Variants in FHIT observed in about 807,000 individuals in gnomAD.
FHIT encodes the protein bis(5'-adenosyl)-triphosphatase.
FHIT carries 19 observed loss-of-function variants against 17.9 expected under a neutral mutation model. The observed-to-expected ratio is 1.06, with a 90% CI of 0.74 to 1.56. The LOEUF (loss-of-function observed/expected upper bound fraction) is 1.56, where lower values mean the gene tolerates loss of function less well. Ranked by LOEUF, FHIT falls within the 40% of genes most tolerant of loss-of-function variation. FHIT has a pLI of 0.00. For missense variants in FHIT, 248 were observed against 189.2 expected, an observed-to-expected ratio of 1.31 and a Z score of -1.82; for synonymous variants, 81 against 69.7, an observed-to-expected ratio of 1.16 and a Z score of -0.81.
intron 7 of FHIT, among the ~76,000 whole-genome samples, chr3:59,946,993 C>T (rs963448647): frequency 1.5e-4 from 23 of 152,070 alleles, no homozygotes; most frequent in Non-Finnish European, 5.9e-5. Context: ...TGTGTCTCTG[C>T]CAGATTTTGG....
intron 3 of FHIT, among the ~76,000 whole-genome samples, chr3:60,885,147 A>G (rs1553759001): frequency 6.6e-6 from 1 of 152,126 alleles, no homozygotes; most frequent in Non-Finnish European, 1.5e-5. Flanking sequence ...CAGGGTGATT[A>G]TAGTTAACAA....
intron 5 of FHIT, among the ~76,000 whole-genome samples, chr3:60,199,165 A>G (rs968577803): frequency 6.6e-6 from 1 of 152,126 alleles, no homozygotes; most frequent in African/African-American, 2.4e-5. Context: ...CCTTGGGACA[A>G]AAGTTGGTCT....
intron 7 of FHIT, among the ~76,000 whole-genome samples, chr3:59,968,060 G>A (rs181319498): frequency 1.3e-5 from 2 of 152,192 alleles, no homozygotes; most frequent in East Asian, 3.9e-4. Context: ...AAAAGACCAG[G>A]GGTAGGTAGT....
In FHIT at chr3:59,752,294, G is replaced by A; in HGVS notation, c.376C>T (p.Pro126Ser). 1 of 1,612,800 alleles carries A rather than the reference G, an allele frequency of 6.2e-7. No individual in the cohort carries two copies. The highest frequency in any genetic ancestry group is 8.5e-7 in the Non-Finnish European group (1 of 1,179,504). Residue 126 changes from proline (P) to serine (S), a missense_variant, in exon 9 of 10, where the codon CCT becomes TCT. Coordinates refer to ENST00000492590, the MANE Select transcript of FHIT (RefSeq NM_002012.4). The part of the protein sequence containing the change: ...ELQKHDKEDF[P>S]ASWRSEEEMA... Reference sequence around the variant, plus strand: ...TCCTCCTCTGATCTCCAAGAGGCAGGAAAGTCCTCCTTGTCATGTTTCTGG... The same window carrying A: ...TCCTCCTCTGATCTCCAAGAGGCAGAAAAGTCCTCCTTGTCATGTTTCTGG...
chr3:60,119,126 T>G (rs1457003188), intron 5 of FHIT, among the ~76,000 whole-genome samples: 1 of 151,906 alleles, frequency 6.6e-6, no homozygotes. Flanking sequence ...CAGGCTGGAG[T>G]GCAATGGCAC....
At chr3:60,925,353 G>A (rs1707533288) in intron 3 of FHIT, among the ~76,000 whole-genome samples, 1 of 152,200 alleles carries the variant, frequency 6.6e-6, no homozygotes, top group African/African-American at 2.4e-5. Flanking sequence ...CAGACTAACA[G>A]CAGATCTCTC....
chr3:60,397,470 T>C (rs1262706672), intron 5 of FHIT, among the ~76,000 whole-genome samples: 5 of 152,122 alleles, frequency 3.3e-5, no homozygotes, highest in Non-Finnish European at 7.4e-5. Flanking sequence ...AAGTCTCACA[T>C]GTAAAAGGAA....
intron 2 of FHIT, among the ~76,000 whole-genome samples, chr3:61,119,158 G>C (rs2036383682): frequency 6.6e-6 from 1 of 152,148 alleles, no homozygotes; most frequent in Non-Finnish European, 1.5e-5. Context: ...TTCCCTCACA[G>C]TGGGCTCTCC....
chr3:60,882,481 A>T (rs576981765), intron 3 of FHIT, among the ~76,000 whole-genome samples: 14 of 152,194 alleles, frequency 9.2e-5, no homozygotes, highest in Non-Finnish European at 1.9e-4. Context: ...AAATACTAGC[A>T]AGTTGAATCC....
At chr3:60,517,671 G>T (rs1336792554) in intron 5 of FHIT, among the ~76,000 whole-genome samples, 1 of 152,216 alleles carries the variant, frequency 6.6e-6, no homozygotes, top group East Asian at 1.9e-4. Flanking sequence ...ATGTAAAACA[G>T]CACCATAACG....
At chr3:59,911,487 C>T (rs1704873539) in intron 8 of FHIT, among the ~76,000 whole-genome samples, 1 of 152,172 alleles carries the variant, frequency 6.6e-6, no homozygotes, top group African/African-American at 2.4e-5. Flanking sequence ...ATTTATCAAG[C>T]TAATTTTCAG....
At chr3:60,530,514 C>T (rs1008050314) in intron 5 of FHIT, among the ~76,000 whole-genome samples, 3 of 152,120 alleles carry the variant, frequency 2.0e-5, no homozygotes, top group African/African-American at 7.2e-5. Context: ...ATGTCAGTCT[C>T]GGCTCCAGAA....
At chr3:60,284,131 A>G (rs1000729716) in intron 5 of FHIT, among the ~76,000 whole-genome samples, 2 of 152,166 alleles carry the variant, frequency 1.3e-5, no homozygotes, top group Admixed American at 1.3e-4. Flanking sequence ...AGTATATATT[A>G]CACTATTTGT....
At chr3:60,653,519 G>A (rs1421781695) in intron 4 of FHIT, among the ~76,000 whole-genome samples, 1 of 12,956 alleles carries the variant, frequency 7.7e-5, no homozygotes, top group African/African-American at 1.3e-4. Context: ...AAACTGGAGT[G>A]GAGGGAATTA....
intron 5 of FHIT, among the ~76,000 whole-genome samples, chr3:60,125,289 G>A (rs1332359333): frequency 6.6e-6 from 1 of 152,128 alleles, no homozygotes; most frequent in Non-Finnish European, 1.5e-5. Flanking sequence ...CTGTAAAATG[G>A]TGGTAATAAA....
chr3:60,835,948 T>C (rs1379639034), intron 3 of FHIT, among the ~76,000 whole-genome samples: 2 of 152,232 alleles, frequency 1.3e-5, no homozygotes, highest in African/African-American at 4.8e-5. Context: ...TTTGTGTTTT[T>C]TCGTCTTTGT....
chr3:61,128,994 C>T (rs1009913508), intron 2 of FHIT, among the ~76,000 whole-genome samples: 4 of 152,024 alleles, frequency 2.6e-5, no homozygotes, highest in Non-Finnish European at 5.9e-5. Flanking sequence ...TAAGGTGCAA[C>T]GTAAGGAGGG....
intron 3 of FHIT, among the ~76,000 whole-genome samples, chr3:60,956,162 C>A (rs1200717718): frequency 6.6e-6 from 1 of 152,052 alleles, no homozygotes; most frequent in Non-Finnish European, 1.5e-5. Flanking sequence ...TGTTGTAAAC[C>A]TAAAGTTACA....
At chr3:60,179,287 G>A (rs954618431) in intron 5 of FHIT, among the ~76,000 whole-genome samples, 11 of 152,192 alleles carry the variant, frequency 7.2e-5, no homozygotes, top group African/African-American at 2.7e-4. Flanking sequence ...CCAGAGTTAA[G>A]AGACGGCAGG....
Sources: allele counts gnomAD v4.1 joint callset (sites outside exome capture counted in the v4.1 genomes callset), GRCh38; gene constraint gnomAD v4.1.1; transcripts MANE v1.5; gene names NCBI Gene and HGNC (gene_info 2026-07-23, HGNC 2026-07-21).